Variants in CCDC40 observed in about 807,000 individuals in gnomAD.
CCDC40 encodes the protein coiled-coil domain-containing protein 40.
CCDC40 carries 104 observed loss-of-function variants against 124.5 expected under a neutral mutation model. The observed-to-expected ratio is 0.84, with a 90% CI of 0.71 to 0.98. The LOEUF (loss-of-function observed/expected upper bound fraction) is 0.98. CCDC40 is among the 50% of genes least tolerant of loss of function. The pLI is 0.00. For synonymous variants in CCDC40, 580 were observed against 602.9 expected, an observed-to-expected ratio of 0.96 and a Z score of 0.56; for missense variants, 1,463 against 1,503.9, an observed-to-expected ratio of 0.97 and a Z score of 0.45.
intron 9 of CCDC40, among the ~76,000 whole-genome samples, chr17:80,064,926 G>A (rs1055045454): frequency 5.9e-5 from 9 of 152,060 alleles, no homozygotes; most frequent in Admixed American, 3.9e-4. Flanking sequence ...TGCTGGGCCC[G>A]TCCTGTGGGA....
intron 10 of CCDC40, among the ~76,000 whole-genome samples, chr17:80,073,337 C>T (rs923227421): frequency 6.6e-6 from 1 of 152,174 alleles, no homozygotes. Context: ...AGCAAGTCCA[C>T]CGGCACCATC....
chr17:80,058,508 A>C lies in CCDC40; in HGVS notation c.1174A>C (p.Thr392Pro). The change falls in exon 8 of 20, where the codon ACT becomes CCT. Residue 392 changes from threonine (T) to proline (P), a missense_variant. Physicochemically the swap from Thr to Pro is conservative, Grantham distance 38. Coordinates refer to ENST00000397545, the MANE Select transcript of CCDC40 (RefSeq NM_017950.4). The surrounding 1 kb of genome is among the most constrained non-coding windows in gnomAD (Gnocchi z 4.2). ...EERKKLAALQ[T>P]EMENLALHLF... ...GCGCCCCGCAGTGGCGGCTCTGCAG[A>C]CTGAGATGGAGAACTTGGCCCTGCA... 6.2e-7 allele frequency: 1 copy of C among 1,614,044 alleles called. No homozygotes were observed. Among genetic ancestry groups the C allele is most frequent in the Non-Finnish European group, 8.5e-7 (1 of 1,179,998 alleles).
chr17:80,064,210 C>G (rs564450640), intron 9 of CCDC40, among the ~76,000 whole-genome samples: 1 of 152,304 alleles, frequency 6.6e-6, no homozygotes, highest in East Asian at 1.9e-4. Context: ...GGGCGATGGC[C>G]TCTCTCATGC....
intron 7 of CCDC40, chr17:80,051,324 G>A (rs1190086131): frequency 4.1e-6 from 4 of 981,450 alleles, no homozygotes; most frequent in Non-Finnish European, 4.8e-6. Flanking sequence ...TAGGGTAAGT[G>A]GGCACTTATC....
chr17:80,048,474 A>T (rs2037487646), intron 4 of CCDC40, 109 bp from the exon 5 acceptor site: 9 of 882,304 alleles, frequency 1.0e-5, no homozygotes, highest in Non-Finnish European at 1.8e-6. Flanking sequence ...TCACTTTCCC[A>T]TCATGCTGCA....
Position 80,061,880 on chromosome 17 carries a change from C to T in CCDC40, c.1440+2900C>T, listed in dbSNP as rs185365592. Among the ~76,000 whole-genome samples the T allele has an allele frequency of 3.7e-3, 439 of 118,582 alleles. 2 individuals carry two copies. The highest frequency in any genetic ancestry group is 7.9e-3 in the African/African-American group (215 of 27,074). The allele number at this position is 118,582 out of a possible 152,430, so 77.8% of individuals were successfully genotyped here. A position where few individuals can be genotyped will look rare whatever the true frequency, so the allele number is the denominator to read the frequency against. ...CTCCCTAACCCTAACCCTAACCCCG[C>T]ACCCTGTTAGTGCTTAGACTCCATT... On this transcript the variant is annotated intron_variant, in intron 9 of 19. Transcript: ENST00000397545.
chr17:80,056,000 A>ATTTTTTTTTTTT lies in CCDC40; in HGVS notation c.1160-2493_1160-2492insTTTTTTTTTTTT, dbSNP rs1285051283. 2.6e-4 allele frequency among the ~76,000 whole-genome samples: 2 copies of ATTTTTTTTTTTT among 7,572 alleles called. 1 individual carries two copies. The highest frequency in any genetic ancestry group is 6.3e-4 in the Non-Finnish European group (2 of 3,198). 5.0% of individuals were successfully genotyped at this position (7,572 alleles called of 152,430 possible). On this transcript the variant is annotated intron_variant, in intron 7 of 19. Transcript: ENST00000397545. The stretch of plus-strand genomic sequence containing the variant: ...AATTTTCATATATATATATATATAT[A>ATTTTTTTTTTTT]TATATATATATATATATTTTTTTTT...
At position 80,087,826 on chromosome 17, in the gene CCDC40, G is replaced by T; in HGVS notation, c.2619+50G>T. 6.4e-7 allele frequency: 1 copy of T among 1,567,822 alleles called. No individual in the cohort carries two copies. Among genetic ancestry groups the T allele is most frequent in the South Asian group, 1.1e-5 (1 of 90,094 alleles). ...GGGGCTCAGGACGATGGAGGGCGGG[G>T]GTACGGTCCTTGCGGTGGGCGTTCT... On this transcript the variant is annotated intron_variant, in intron 15 of 19. Coordinates refer to ENST00000397545, the MANE Select transcript of CCDC40 (RefSeq NM_017950.4). This position sits in a 1 kb window ranked among gnomAD's most constrained non-coding sequence, Gnocchi z 4.5.
chr17:80,037,848 T>C (rs922225076), intron 1 of CCDC40: 2 of 370,416 alleles, frequency 5.4e-6, no homozygotes, highest in Admixed American at 7.6e-5. Context: ...TTGAGGTGAC[T>C]TTTCTGGGGT....
chr17:80,050,344 C>T (rs1239419600), intron 7 of CCDC40, 61 bp downstream of exon 7: 1 of 1,324,832 alleles, frequency 7.5e-7, no homozygotes, highest in African/African-American at 1.5e-5. Flanking sequence ...AGGGGTGTCT[C>T]CATGTACCAT....
At chr17:80,039,018 G>T (rs1199650686) in intron 2 of CCDC40, among the ~76,000 whole-genome samples, 2 of 152,028 alleles carry the variant, frequency 1.3e-5, no homozygotes, top group East Asian at 3.9e-4. Context: ...ACTTTGGGTT[G>T]CCCTGAGTTT....
At chr17:80,099,425 G>T in intron 19 of CCDC40, 102 bp from the exon 20 acceptor site, 1 of 1,385,208 alleles carries the variant, frequency 7.2e-7, no homozygotes, top group Non-Finnish European at 1.0e-6. Flanking sequence ...CGTAGGTCTC[G>T]CCTCCTCTTC....
At chr17:80,095,661 G>A (rs1211529346) in intron 18 of CCDC40, among the ~76,000 whole-genome samples, 3 of 151,662 alleles carry the variant, frequency 2.0e-5, no homozygotes, top group Admixed American at 6.6e-5. Context: ...TGCTGGGTTC[G>A]GGGTCAGGGG....
intron 10 of CCDC40, among the ~76,000 whole-genome samples, chr17:80,068,846 T>C (rs1182470392): frequency 1.3e-5 from 2 of 152,176 alleles, no homozygotes; most frequent in Non-Finnish European, 2.9e-5. Flanking sequence ...AACCGAATGC[T>C]CCACGCTCGG....
chr17:80,082,815 G>A (rs1598535604), intron 12 of CCDC40, among the ~76,000 whole-genome samples: 1 of 152,240 alleles, frequency 6.6e-6, no homozygotes, highest in Admixed American at 6.5e-5. Context: ...TAGGTCATAC[G>A]TGTTTTGCTG....
At chr17:80,078,262 C>T (rs1053424883) in intron 10 of CCDC40, among the ~76,000 whole-genome samples, 1 of 143,378 alleles carries the variant, frequency 7.0e-6, no homozygotes, top group Non-Finnish European at 1.5e-5. Flanking sequence ...ACCTGGGAGG[C>T]GGAGCTTGCA....
chr17:80,064,560 C>G (rs1173806576), intron 9 of CCDC40, among the ~76,000 whole-genome samples: 1 of 152,116 alleles, frequency 6.6e-6, no homozygotes, highest in Admixed American at 6.5e-5. Context: ...GACACTGAGG[C>G]ACAGCGGGTG....
rs371890970 is a variant in CCDC40 at position 80,047,387 on chromosome 17, G to C, written c.661G>C (p.Val221Leu). ...DIESSDLEEF[V>L]SQEPVIPPGV... ...CGAGTCCTCAGACCTGGAGGAGTTC[G>C]TCTCGCAGGAGCCAGGTGCCACCCA... The change falls in exon 4 of 20, where the codon GTC becomes CTC. Residue 221 changes from valine (V) to leucine (L), a missense_variant. Val to Leu is a conservative substitution (Grantham distance 32). Coordinates refer to ENST00000397545, the MANE Select transcript of CCDC40 (RefSeq NM_017950.4). The C allele has an allele frequency of 6.2e-7, 1 of 1,612,660 alleles. No individual in the cohort carries two copies. The highest frequency in any genetic ancestry group is 2.2e-5 in the East Asian group (1 of 44,860).
In CCDC40 at chr17:80,066,035, C is replaced by T. The variant is rs1282455422; in HGVS notation, c.1562+429C>T. On this transcript the variant is annotated intron_variant, in intron 10 of 19. Transcript: ENST00000397545. The surrounding 1 kb of genome is among the most constrained non-coding windows in gnomAD (Gnocchi z 4.4). Reference sequence around the variant, plus strand: ...CAAAGGAAGGGGAGGAAGAGGCCTCCTCTGGGCATCCCCTCACTTCTGGGG... The same window carrying T: ...CAAAGGAAGGGGAGGAAGAGGCCTCTTCTGGGCATCCCCTCACTTCTGGGG... 8.6e-6 allele frequency: 6 copies of T among 696,154 alleles called. No homozygotes were observed. The highest frequency in any genetic ancestry group is 1.6e-5 in the Non-Finnish European group (6 of 381,064). The allele number at this position is 696,154 out of a possible 1,614,324, so 43.1% of individuals were successfully genotyped here. A position where few individuals can be genotyped will look rare whatever the true frequency, so the allele number is the denominator to read the frequency against.
Sources: allele counts gnomAD v4.1 joint callset (sites outside exome capture counted in the v4.1 genomes callset), GRCh38; gene constraint gnomAD v4.1.1; non-coding constraint Gnocchi (gnomAD v3.1); transcripts MANE v1.5; gene names NCBI Gene and HGNC (gene_info 2026-07-23, HGNC 2026-07-21).